SLC35F3: variants seen among roughly 807,000 people sequenced by gnomAD.
SLC35F3 encodes the protein solute carrier family 35 member F3.
A neutral mutation model predicts 49.9 loss-of-function variants in SLC35F3; 25 were observed. That is an observed-to-expected ratio of 0.50 (90% CI 0.37 to 0.70). The LOEUF is 0.70. Among genes scored for constraint, SLC35F3 ranks in the 30% least tolerant of loss-of-function variants. The pLI, the probability that SLC35F3 is intolerant of heterozygous loss-of-function variation, is 0.00. For synonymous variants in SLC35F3, 275 were observed against 265.4 expected, an observed-to-expected ratio of 1.04 and a Z score of -0.35; for missense variants, 525 against 639.8, an observed-to-expected ratio of 0.82 and a Z score of 1.94.
chr1:233,978,163 G>T (rs899826779), intron 2 of SLC35F3, among the ~76,000 whole-genome samples: 5 of 151,478 alleles, frequency 3.3e-5, no homozygotes, highest in Admixed American at 6.6e-5. Flanking sequence ...AGGCTCTGAA[G>T]AAGGAAAAAA....
At chr1:234,140,002 A>AATAAAATAAAAAT in intron 2 of SLC35F3, among the ~76,000 whole-genome samples, 20 of 105,354 alleles carry the variant, frequency 1.9e-4, no homozygotes, top group African/African-American at 2.1e-4. Context: ...AATAAAATAA[A>AATAAAATAAAAAT]GTAAGTGACT....
chr1:234,118,860 A>G (rs1665531247), intron 2 of SLC35F3, among the ~76,000 whole-genome samples: 1 of 151,516 alleles, frequency 6.6e-6, no homozygotes, highest in South Asian at 2.1e-4. Context: ...CAAATAAGCA[A>G]ATTATTTTTT....
chr1:233,923,207 G>C (rs1163658626), intron 2 of SLC35F3, among the ~76,000 whole-genome samples: 8 of 152,094 alleles, frequency 5.3e-5, no homozygotes, highest in Non-Finnish European at 4.4e-5. Context: ...AGCTTGATGG[G>C]TATGGCATTG....
chr1:234,139,229 C>T (rs1005666723), intron 2 of SLC35F3, among the ~76,000 whole-genome samples: 1 of 152,124 alleles, frequency 6.6e-6, no homozygotes, highest in Non-Finnish European at 1.5e-5. Flanking sequence ...AACTCTATTA[C>T]TTTATTATTA....
chr1:233,984,603 A>G (rs1663237617), intron 2 of SLC35F3, among the ~76,000 whole-genome samples: 2 of 152,234 alleles, frequency 1.3e-5, no homozygotes, highest in Non-Finnish European at 2.9e-5. Context: ...CTGATTTGCA[A>G]TCACTTAAGG....
intron 2 of SLC35F3, among the ~76,000 whole-genome samples, chr1:234,132,834 C>T (rs1246587463): frequency 6.6e-6 from 1 of 152,130 alleles, no homozygotes; most frequent in Admixed American, 6.5e-5. Flanking sequence ...TTATAAAGAG[C>T]CTTCCCACTC....
intron 3 of SLC35F3, among the ~76,000 whole-genome samples, chr1:234,275,152 C>T (rs765194471): frequency 6.6e-6 from 1 of 152,122 alleles, no homozygotes; most frequent in Non-Finnish European, 1.5e-5. Context: ...TCATTTGATG[C>T]GTCACAGTCA....
At chr1:233,994,762 G>A (rs34117807) in intron 2 of SLC35F3, among the ~76,000 whole-genome samples, 41,891 of 151,940 alleles carry the variant, frequency 0.28, 6,013 homozygotes, top group East Asian at 0.49. Context: ...TGGAAAAGGC[G>A]GTTCCCCAGC....
chr1:234,139,965 A>AAAATAAAAT (rs1665871343), intron 2 of SLC35F3, among the ~76,000 whole-genome samples: 9 of 130,466 alleles, frequency 6.9e-5, no homozygotes, highest in African/African-American at 2.1e-4. Context: ...AAAATAAAAT[A>AAAATAAAAT]AAATAAAATA....
At chr1:234,121,217 A>G (rs1665567428) in intron 2 of SLC35F3, among the ~76,000 whole-genome samples, 1 of 149,404 alleles carries the variant, frequency 6.7e-6, no homozygotes, top group Middle Eastern at 3.2e-3. Context: ...GCTCACTGCA[A>G]GCTCCACCTC....
intron 3 of SLC35F3, among the ~76,000 whole-genome samples, chr1:234,278,494 G>GAAAA (rs564341361): frequency 5.7e-5 from 6 of 105,534 alleles, no homozygotes; most frequent in African/African-American, 2.1e-4. Flanking sequence ...TGTTTCAAAA[G>GAAAA]AAAAAAAAAA....
chr1:234,209,713 GT>G (rs1667022822), intron 2 of SLC35F3, among the ~76,000 whole-genome samples: 1 of 151,978 alleles, frequency 6.6e-6, no homozygotes, highest in South Asian at 2.1e-4. Flanking sequence ...ACAGCATGGA[GT>G]GCTTAAAATT....
At chr1:234,157,032 T>A (rs979280039) in intron 2 of SLC35F3, among the ~76,000 whole-genome samples, 1 of 152,180 alleles carries the variant, frequency 6.6e-6, no homozygotes, top group Non-Finnish European at 1.5e-5. Flanking sequence ...GTTATAAAAT[T>A]TATTACGGTG....
intron 3 of SLC35F3, among the ~76,000 whole-genome samples, chr1:234,306,971 T>G (rs1295984858): frequency 6.6e-6 from 1 of 152,316 alleles, no homozygotes; most frequent in East Asian, 1.9e-4. Flanking sequence ...TGGAGATAGA[T>G]TGACATTAAT....
intron 2 of SLC35F3, among the ~76,000 whole-genome samples, chr1:233,981,055 G>A (rs1663174123): frequency 6.6e-6 from 1 of 152,182 alleles, no homozygotes; most frequent in Non-Finnish European, 1.5e-5. Context: ...AAGATGGATG[G>A]AAAGATACAG....
chr1:234,098,990 G>T (rs191973394), intron 2 of SLC35F3, among the ~76,000 whole-genome samples: 1 of 152,200 alleles, frequency 6.6e-6, no homozygotes, highest in African/African-American at 2.4e-5. Context: ...GTTGCTGGTG[G>T]TGATAGCAGT....
At chr1:234,017,960 G>C (rs1029823380) in intron 2 of SLC35F3, among the ~76,000 whole-genome samples, 3 of 151,736 alleles carry the variant, frequency 2.0e-5, no homozygotes, top group African/African-American at 4.8e-5. Context: ...CTCAATTTGG[G>C]GGGTGTTTTA....
Position 234,153,991 on chromosome 1 carries a change from G to A in SLC35F3, c.284-77426G>A, listed in dbSNP as rs535254891. The stretch of plus-strand genomic sequence containing the variant: ...GGCAGGAGAAGGCGTGAACCCAGGA[G>A]ACGGAGCTTGCAGTGAGCCGAGATC... On this transcript the variant is annotated intron_variant, in intron 2 of 7. Transcript: ENST00000366618. 4.6e-5 allele frequency among the ~76,000 whole-genome samples: 7 copies of A among 151,382 alleles called. No individual in the cohort carries two copies. In the East Asian group the frequency reaches 1.4e-3, roughly 30 times the overall value.
At chr1:234,072,344 T>C (rs1664727042) in intron 2 of SLC35F3, among the ~76,000 whole-genome samples, 1 of 152,244 alleles carries the variant, frequency 6.6e-6, no homozygotes. Context: ...GACAATTGCC[T>C]GTGCCAGTCA....
Sources: allele counts gnomAD v4.1 joint callset (sites outside exome capture counted in the v4.1 genomes callset), GRCh38; gene constraint gnomAD v4.1.1; transcripts MANE v1.5; gene names NCBI Gene and HGNC (gene_info 2026-07-23, HGNC 2026-07-21).